NAA11: variants seen among roughly 807,000 people sequenced by gnomAD.
NAA11 encodes N-alpha-acetyltransferase 11.
A neutral mutation model predicts 16.1 loss-of-function variants in NAA11; 15 were observed. The observed-to-expected ratio is 0.93, with a 90% CI of 0.62 to 1.44. NAA11 has a LOEUF of 1.44. NAA11 is among the 40% of genes most tolerant of loss of function. The probability of loss-of-function intolerance (pLI) is 0.00; values close to 1 mark genes in which losing one functional copy is unlikely to be tolerated. For missense variants in NAA11, 298 were observed against 291.3 expected (o/e 1.02, Z -0.17); for synonymous variants, 122 against 112.4 (o/e 1.09, Z -0.54).
the NAA11 span, among the ~76,000 whole-genome samples, chr4:79,174,789 A>C: frequency 6.6e-6 from 1 of 152,150 alleles, no homozygotes; most frequent in Non-Finnish European, 1.5e-5. Flanking sequence ...AATTTACATA[A>C]AGGCAGGAGG....
intron 2 of NAA11, among the ~76,000 whole-genome samples, chr4:79,293,074 T>C (rs1467881237): frequency 1.3e-5 from 2 of 152,236 alleles, no homozygotes; most frequent in African/African-American, 4.8e-5. Context: ...AATTTAAATA[T>C]TAACACTCAA....
the NAA11 span, among the ~76,000 whole-genome samples, chr4:79,194,000 C>G: frequency 1.3e-5 from 2 of 152,078 alleles, no homozygotes; most frequent in Non-Finnish European, 2.9e-5. Context: ...TGTGAATGGG[C>G]CTTCACTCAT....
chr4:79,193,038 G>A, the NAA11 span, among the ~76,000 whole-genome samples: 4 of 152,176 alleles, frequency 2.6e-5, no homozygotes, highest in East Asian at 1.9e-4. Flanking sequence ...TTTGAGAAGT[G>A]TCTGTTCATA....
the NAA11 span, among the ~76,000 whole-genome samples, chr4:79,187,372 A>T: frequency 2.0e-5 from 3 of 152,304 alleles, no homozygotes; most frequent in Non-Finnish European, 1.5e-5. Flanking sequence ...TTTATTTAAT[A>T]ACTCAGTTCA....
intron 1 of NAA11, among the ~76,000 whole-genome samples, chr4:79,295,205 G>C (rs767873803): frequency 6.6e-6 from 1 of 152,190 alleles, no homozygotes; most frequent in Non-Finnish European, 1.5e-5. Context: ...GAGTCAAAAG[G>C]TGCAATGCAA....
chr4:79,164,583 A>G, the NAA11 span, among the ~76,000 whole-genome samples: 1 of 152,186 alleles, frequency 6.6e-6, no homozygotes, highest in African/African-American at 2.4e-5. Context: ...CTTGGGAAAC[A>G]CTGCTAAACA....
intron 1 of NAA11, among the ~76,000 whole-genome samples, chr4:79,296,805 C>T (rs1410771883): frequency 6.6e-6 from 1 of 152,232 alleles, no homozygotes; most frequent in African/African-American, 2.4e-5. Flanking sequence ...CATTTATCCC[C>T]ACCCATAGAC....
chr4:79,222,396 G>T (rs972528488), downstream of NAA11, among the ~76,000 whole-genome samples: 4 of 151,700 alleles, frequency 2.6e-5, no homozygotes, highest in Admixed American at 2.6e-4. Flanking sequence ...AATGGGGAAA[G>T]GATTCTCTAT....
intron 2 of NAA11, among the ~76,000 whole-genome samples, chr4:79,282,008 G>C (rs954175283): frequency 1.3e-5 from 2 of 152,132 alleles, no homozygotes; most frequent in Non-Finnish European, 2.9e-5. Flanking sequence ...CATTTTTCCA[G>C]GATGGGTGGG....
chr4:79,294,122 A>G (rs1723155547), intron 1 of NAA11: 1 of 152,176 alleles, frequency 6.6e-6, no homozygotes, highest in Admixed American at 6.5e-5. Flanking sequence ...ATTCTGTTGT[A>G]ATAGGACAAA....
intron 1 of NAA11, chr4:79,307,028 T>C (rs1723604019): frequency 1.3e-5 from 2 of 152,238 alleles, no homozygotes; most frequent in Non-Finnish European, 2.9e-5. Context: ...CTCCAAGTTA[T>C]TTATGTAAAC....
downstream of NAA11, among the ~76,000 whole-genome samples, chr4:79,315,590 G>T (rs544799281): frequency 6.6e-6 from 1 of 151,952 alleles, no homozygotes; most frequent in Non-Finnish European, 1.5e-5. Context: ...TAGTATAAGG[G>T]TATTCACACC....
At chr4:79,322,135 T>G (rs2110017791) in intron 1 of NAA11, among the ~76,000 whole-genome samples, 1 of 152,296 alleles carries the variant, frequency 6.6e-6, no homozygotes, top group East Asian at 1.9e-4. Context: ...AGACTAATAC[T>G]CATATACCCT....
At chr4:79,315,858 T>C (rs914926434), downstream of NAA11, among the ~76,000 whole-genome samples, 13 of 152,190 alleles carry the variant, frequency 8.5e-5, no homozygotes, top group Non-Finnish European at 1.3e-4. Flanking sequence ...ATTAGTATTA[T>C]TGTTTATTTT....
the NAA11 span, among the ~76,000 whole-genome samples, chr4:79,158,175 AC>A: frequency 7.1e-6 from 1 of 141,638 alleles, no homozygotes. Flanking sequence ...TGCTGGGATT[AC>A]AGCCGTGAGA....
At position 79,316,764 on chromosome 4, in the gene NAA11, T is replaced by C. The variant is rs1251947343; in HGVS notation, c.*1040A>G. 1 of 152,188 alleles carries C rather than the reference T, an allele frequency of 6.6e-6. No homozygotes were observed. The highest frequency in any genetic ancestry group is 1.9e-4 in the East Asian group (1 of 5,202). 9.4% of individuals were successfully genotyped at this position (152,188 alleles called of 1,614,324 possible). On this transcript the variant is annotated 3_prime_UTR_variant, in exon 2 of 2. Transcript: ENST00000286794. ...TTGTAGGTTATATAAATATTTACAATTGACATACAGTAGCCATGTATTAAG... is the reference window on the plus strand; with the variant it reads ...TTGTAGGTTATATAAATATTTACAACTGACATACAGTAGCCATGTATTAAG...
chr4:79,248,103 G>A (rs988648371), intron 2 of NAA11, among the ~76,000 whole-genome samples: 1 of 152,142 alleles, frequency 6.6e-6, no homozygotes, highest in African/African-American at 2.4e-5. Flanking sequence ...CCTGTCTACT[G>A]GCCTCTCCTA....
At chr4:79,200,325 G>A in the NAA11 span, among the ~76,000 whole-genome samples, 3 of 151,920 alleles carry the variant, frequency 2.0e-5, no homozygotes, top group East Asian at 3.9e-4. Flanking sequence ...CTGGGCCTTG[G>A]GGGCAGAGTA....
At chr4:79,275,193 A>G (rs1344558576) in intron 2 of NAA11, among the ~76,000 whole-genome samples, 3 of 151,990 alleles carry the variant, frequency 2.0e-5, no homozygotes, top group African/African-American at 7.3e-5. Flanking sequence ...CTTCTTTCTG[A>G]TGCTCATGAA....
Sources: allele counts gnomAD v4.1 joint callset (sites outside exome capture counted in the v4.1 genomes callset), GRCh38; gene constraint gnomAD v4.1.1; transcripts MANE v1.5; gene names NCBI Gene and HGNC (gene_info 2026-07-23, HGNC 2026-07-21).